MCTS1: variants seen among roughly 807,000 people sequenced by gnomAD.
MCTS1 encodes MCTS1 re-initiation and release factor, also known as malignant T-cell-amplified sequence 1.
For synonymous variants in MCTS1, 26 were observed against 40.8 expected, an observed-to-expected ratio of 0.64 and a Z score of 1.38; for missense variants, 55 against 128.6, an observed-to-expected ratio of 0.43 and a Z score of 2.77.
chrX:120,607,963 G>A (rs897984315), intron 3 of MCTS1, among the ~76,000 whole-genome samples: 22 of 111,133 alleles, frequency 2.0e-4, no homozygotes, highest in African/African-American at 6.9e-4. Flanking sequence ...ATGCTGAGGC[G>A]GGAAGATTGC....
Position 120,620,589 on chromosome X carries a change from G to A in MCTS1, c.*8325G>A, listed in dbSNP as rs971174435. ...GCGGAGGTTGCAGTGAGCCGAGATTGTGCCACTGCACTCCAGCCTGGGCGA... is the reference window on the plus strand; with the variant it reads ...GCGGAGGTTGCAGTGAGCCGAGATTATGCCACTGCACTCCAGCCTGGGCGA... On this transcript the variant is annotated 3_prime_UTR_variant, in exon 6 of 6. Coordinates refer to ENST00000371317, the MANE Select transcript of MCTS1 (RefSeq NM_014060.3). The A allele has an allele frequency of 9.2e-6, 1 of 108,689 alleles. No individual in the cohort carries two copies. Among genetic ancestry groups the A allele is most frequent in the African/African-American group, 3.4e-5 (1 of 29,832 alleles). The allele number at this position is 108,689 out of a possible 1,213,427, so 9.0% of individuals were successfully genotyped here.
chrX:120,607,263 C>T (rs1926566479), intron 3 of MCTS1, among the ~76,000 whole-genome samples: 1 of 111,261 alleles, frequency 9.0e-6, no homozygotes, highest in East Asian at 2.8e-4. Context: ...CTTTATACAG[C>T]GTGTAATGAT....
At position 120,618,893 on chromosome X, in the gene MCTS1, A is replaced by C. The variant is rs182096252; in HGVS notation, c.*6629A>C. Among the ~76,000 whole-genome samples the C allele has an allele frequency of 1.1e-3, 120 of 112,304 alleles. No individual in the cohort carries two copies. Among genetic ancestry groups the C allele is most frequent in the African/African-American group, 3.8e-3 (117 of 30,955 alleles). On this transcript the variant is annotated 3_prime_UTR_variant, in exon 6 of 6. Coordinates refer to ENST00000371317, the MANE Select transcript of MCTS1 (RefSeq NM_014060.3). Reference sequence around the variant, plus strand: ...CCTCATTAGCTTCTGGGTGTTGTCAAACCCAATCCTCTCTCAAGTACCAAA... The same window carrying C: ...CCTCATTAGCTTCTGGGTGTTGTCACACCCAATCCTCTCTCAAGTACCAAA...
At chrX:120,606,769 A>AGC (rs1174696781) in intron 3 of MCTS1, among the ~76,000 whole-genome samples, 1 of 95,450 alleles carries the variant, frequency 1.0e-5, no homozygotes, top group Non-Finnish European at 2.1e-5. Flanking sequence ...GGGGAACAAG[A>AGC]GCGAGACTTA....
rs66864093 is a variant in MCTS1 at position 120,612,687 on chromosome X, A to ATGTGTG, written c.*443_*448dup. ...TGTGTGTGTGTGTGTGTGTGTGTGTATGTGTGTGTGTGTGTGTGTGTGTGT... is the reference window on the plus strand; with the variant it reads ...TGTGTGTGTGTGTGTGTGTGTGTGTATGTGTGTGTGTGTGTGTGTGTGTGTGTGTGT... On this transcript the variant is annotated 3_prime_UTR_variant, in exon 6 of 6. Coordinates refer to ENST00000371317, the MANE Select transcript of MCTS1 (RefSeq NM_014060.3). Among the ~76,000 whole-genome samples, 3 of 93,667 alleles carry ATGTGTG rather than the reference A, an allele frequency of 3.2e-5. No homozygotes were observed. Among genetic ancestry groups the ATGTGTG allele is most frequent in the African/African-American group, 7.6e-5 (2 of 26,200 alleles). The allele number at this position is 93,667 out of a possible 115,157, so 81.3% of individuals were successfully genotyped here. A position where few individuals can be genotyped will look rare whatever the true frequency, so the allele number is the denominator to read the frequency against.
At position 120,621,123 on chromosome X, in the gene MCTS1, T is replaced by C. The variant is rs1378653661; in HGVS notation, c.*8859T>C. The C allele has an allele frequency of 1.8e-5, 2 of 112,728 alleles. No homozygotes were observed. Among genetic ancestry groups the C allele is most frequent in the African/African-American group, 6.4e-5 (2 of 31,054 alleles). The allele number at this position is 112,728 out of a possible 1,213,427, so 9.3% of individuals were successfully genotyped here. On this transcript the variant is annotated 3_prime_UTR_variant, in exon 6 of 6. Coordinates refer to ENST00000371317, the MANE Select transcript of MCTS1 (RefSeq NM_014060.3). ...TATATTGAAATGATAATATTTTGGA[T>C]ATGTTTGGGTTAAATAAAATATATT...
In MCTS1 at chrX:120,613,325, G is replaced by A. The variant is rs1926751985; in HGVS notation, c.*1061G>A. Among the ~76,000 whole-genome samples, 1 of 111,586 alleles carries A rather than the reference G, an allele frequency of 9.0e-6. No individual in the cohort carries two copies. The highest frequency in any genetic ancestry group is 1.9e-5 in the Non-Finnish European group (1 of 53,114). On this transcript the variant is annotated 3_prime_UTR_variant, in exon 6 of 6. Coordinates refer to ENST00000371317, the MANE Select transcript of MCTS1 (RefSeq NM_014060.3). ...TGGGATTATAGGCATGAGTCACCAT[G>A]CCTGGCGTCATAACTACTTTAGTGT...
rs1235510954 is a variant in MCTS1, at chrX:120,616,098, A to T, written c.*3834A>T. Among the ~76,000 whole-genome samples the T allele has an allele frequency of 1.8e-5, 2 of 112,768 alleles. No individual in the cohort carries two copies. The highest frequency in any genetic ancestry group is 6.4e-5 in the African/African-American group (2 of 31,117). On this transcript the variant is annotated 3_prime_UTR_variant, in exon 6 of 6. Coordinates refer to ENST00000371317, the MANE Select transcript of MCTS1 (RefSeq NM_014060.3). ...CACTTATTAATAATGTAGCAATTAT[A>T]TATTAATGGAAATATGAATGTATGC...
intron 3 of MCTS1, among the ~76,000 whole-genome samples, chrX:120,606,402 G>C (rs748728957): frequency 1.5e-4 from 17 of 112,481 alleles, no homozygotes; most frequent in Non-Finnish European, 3.0e-4. Context: ...AAACTAAAAT[G>C]AATGCCCATC....
intron 3 of MCTS1, 31 bp from the exon 4 acceptor site, chrX:120,608,194 T>C: frequency 9.1e-7 from 1 of 1,093,874 alleles, no homozygotes; most frequent in Non-Finnish European, 1.2e-6. Context: ...ATTAGTCTTA[T>C]TATTAATATA....
At chrX:120,610,506 G>A (rs1926659323) in intron 4 of MCTS1, among the ~76,000 whole-genome samples, 1 of 111,614 alleles carries the variant, frequency 9.0e-6, no homozygotes, top group Non-Finnish European at 1.9e-5. Flanking sequence ...CCAGCTACTC[G>A]GGAGGCTGAG....
rs762966956 is a variant in MCTS1 at position 120,612,683 on chromosome X, G to GTA, written c.*420_*421insAT. Among the ~76,000 whole-genome samples, 3 of 31,473 alleles carry GTA rather than the reference G, an allele frequency of 9.5e-5. No homozygotes were observed. Among genetic ancestry groups the GTA allele is most frequent in the South Asian group, 1.1e-3 (1 of 904 alleles). 27.3% of individuals were successfully genotyped at this position (31,473 alleles called of 115,157 possible). A position where few individuals can be genotyped will look rare whatever the true frequency, so the allele number is the denominator to read the frequency against. ...CTCGTGTGTGTGTGTGTGTGTGTGT[G>GTA]TGTATGTGTGTGTGTGTGTGTGTGT... On this transcript the variant is annotated 3_prime_UTR_variant, in exon 6 of 6. Transcript: ENST00000371317.
chrX:120,620,281 C>T lies in MCTS1; in HGVS notation c.*8017C>T, dbSNP rs1926984805. ...TGAGATCGCACCACTGCATTCCAGCCTGGACAACAGAGCGAAACTCCGTCT... is the reference window on the plus strand; with the variant it reads ...TGAGATCGCACCACTGCATTCCAGCTTGGACAACAGAGCGAAACTCCGTCT... On this transcript the variant is annotated 3_prime_UTR_variant, in exon 6 of 6. Coordinates refer to ENST00000371317, the MANE Select transcript of MCTS1 (RefSeq NM_014060.3). Among the ~76,000 whole-genome samples the T allele has an allele frequency of 9.2e-6, 1 of 108,488 alleles. No individual in the cohort carries two copies. Among genetic ancestry groups the T allele is most frequent in the Non-Finnish European group, 1.9e-5 (1 of 52,432 alleles). The allele number at this position is 108,488 out of a possible 115,157, so 94.2% of individuals were successfully genotyped here. A position where few individuals can be genotyped will look rare whatever the true frequency, so the allele number is the denominator to read the frequency against.
chrX:120,616,441 TAAC>T lies in MCTS1; in HGVS notation c.*4183_*4185del, dbSNP rs1926857353. Reference sequence around the variant, plus strand: ...AAGAATGAGTAGATGTTATCAACTATAACAACAATTTGTTGAATACTGTGTTAA... The same window carrying T: ...AAGAATGAGTAGATGTTATCAACTATAACAATTTGTTGAATACTGTGTTAA... On this transcript the variant is annotated 3_prime_UTR_variant, in exon 6 of 6. Transcript: ENST00000371317. Among the ~76,000 whole-genome samples the T allele has an allele frequency of 8.9e-6, 1 of 112,058 alleles. No homozygotes were observed.
intron 4 of MCTS1, among the ~76,000 whole-genome samples, chrX:120,610,497 C>T (rs952540455): frequency 8.1e-5 from 9 of 111,602 alleles, no homozygotes; most frequent in African/African-American, 2.9e-4. Flanking sequence ...CCTGTAGCAC[C>T]AGCTACTCGG....
intron 3 of MCTS1, among the ~76,000 whole-genome samples, chrX:120,607,403 G>A (rs1376202818): frequency 2.7e-5 from 3 of 110,903 alleles, no homozygotes; most frequent in African/African-American, 9.8e-5. Flanking sequence ...TTGTACTCTC[G>A]AATACTAGAA....
In MCTS1 at chrX:120,604,263, G is replaced by A. The variant is rs1314350101; in HGVS notation, c.11+16G>A. The A allele has an allele frequency of 1.2e-5, 15 of 1,204,876 alleles. No individual in the cohort carries two copies. The highest frequency in any genetic ancestry group is 1.7e-5 in the Non-Finnish European group (15 of 893,004). ...TGTTCAAGAAGTAAGGACATGCTGT[G>A]GCCTCCATCGGCTGCTCACAAAGGC... On this transcript the variant is annotated intron_variant, in intron 1 of 5. Transcript: ENST00000371317.
rs1288258332 is a variant in MCTS1, at chrX:120,620,903, C to A, written c.*8639C>A. ...TAAGTTTTCTCCCATTCATGTTTAG[C>A]TATTGGGGGGTCTCATACTTCTGGA... On this transcript the variant is annotated 3_prime_UTR_variant, in exon 6 of 6. Coordinates refer to ENST00000371317, the MANE Select transcript of MCTS1 (RefSeq NM_014060.3). 2 of 111,017 alleles carry A rather than the reference C, an allele frequency of 1.8e-5. No homozygotes were observed. The highest frequency in any genetic ancestry group is 6.6e-5 in the African/African-American group (2 of 30,518). 9.1% of individuals were successfully genotyped at this position (111,017 alleles called of 1,213,427 possible). A position where few individuals can be genotyped will look rare whatever the true frequency, so the allele number is the denominator to read the frequency against.
At chrX:120,607,675 T>C (rs1926576871) in intron 3 of MCTS1, among the ~76,000 whole-genome samples, 1 of 111,611 alleles carries the variant, frequency 9.0e-6, no homozygotes, top group Admixed American at 9.6e-5. Flanking sequence ...GGTTTACTCT[T>C]TGTATTCTAC....
Sources: gnomAD v4.1 joint callset for allele counts (sites outside exome capture counted in the v4.1 genomes callset) on GRCh38, gnomAD v4.1.1 for gene constraint, MANE v1.5 for transcripts, NCBI Gene and HGNC (gene_info 2026-07-23, HGNC 2026-07-21) for gene names.